CLIP2: variants seen among roughly 807,000 people sequenced by gnomAD.
CLIP2 encodes CAP-Gly domain-containing linker protein 2.
Under a neutral mutation model 111.7 loss-of-function variants are expected in CLIP2, and 41 were observed. The observed-to-expected ratio is 0.37, with a 90% CI of 0.29 to 0.48. The LOEUF is 0.48. Among genes scored for constraint, CLIP2 ranks in the 20% least tolerant of loss-of-function variants. The pLI is 0.99. For missense variants in CLIP2, 1,160 were observed against 1,422.1 expected, an observed-to-expected ratio of 0.82 and a Z score of 2.96; for synonymous variants, 660 against 644.2, an observed-to-expected ratio of 1.02 and a Z score of -0.37.
chr7:74,398,234 C>T (rs1791514504), intron 14 of CLIP2, among the ~76,000 whole-genome samples: 1 of 152,044 alleles, frequency 6.6e-6, no homozygotes, highest in African/African-American at 2.4e-5. Context: ...TGGAGTGTGC[C>T]TGTAATCCCA....
At chr7:74,400,754 T>C (rs782445987) in intron 15 of CLIP2, among the ~76,000 whole-genome samples, 199 bp downstream of exon 15, 3 of 150,908 alleles carry the variant, frequency 2.0e-5, no homozygotes, top group Non-Finnish European at 4.4e-5. Flanking sequence ...AGCTCTGTCC[T>C]GGGAACCCCA....
At chr7:74,371,643 G>C (rs1039149864) in intron 8 of CLIP2, among the ~76,000 whole-genome samples, 2 of 141,172 alleles carry the variant, frequency 1.4e-5, no homozygotes, top group Admixed American at 1.4e-4. Flanking sequence ...AATGGAGAGA[G>C]AGAGGGAGGG....
chr7:74,377,077 C>A (rs1790814049), intron 10 of CLIP2, among the ~76,000 whole-genome samples: 1 of 152,122 alleles, frequency 6.6e-6, no homozygotes, highest in South Asian at 2.1e-4. Context: ...CCGCACAGAG[C>A]AGACCTGGAG....
intron 2 of CLIP2, among the ~76,000 whole-genome samples, chr7:74,327,777 T>C (rs1789157879): frequency 1.3e-5 from 2 of 152,164 alleles, no homozygotes. Context: ...AGGATCGATC[T>C]GACGGGGCGG....
At chr7:74,353,412 G>A (rs1276889874) in intron 3 of CLIP2, among the ~76,000 whole-genome samples, 1 of 151,884 alleles carries the variant, frequency 6.6e-6, no homozygotes, top group Non-Finnish European at 1.5e-5. Context: ...CACCAGGCCC[G>A]GCTAATTTTT....
intron 2 of CLIP2, among the ~76,000 whole-genome samples, chr7:74,337,226 T>G (rs1789498672): frequency 6.6e-6 from 1 of 152,014 alleles, no homozygotes. Context: ...CCTGAGGCCT[T>G]AGGCTGGGCT....
At chr7:74,303,096 T>G (rs986668368) in intron 1 of CLIP2, among the ~76,000 whole-genome samples, 5 of 151,994 alleles carry the variant, frequency 3.3e-5, no homozygotes, top group Non-Finnish European at 7.4e-5. Flanking sequence ...TGAGGGATAG[T>G]GGGTATAAGG....
At chr7:74,348,053 G>A (rs1789856005) in intron 3 of CLIP2, among the ~76,000 whole-genome samples, 1 of 152,034 alleles carries the variant, frequency 6.6e-6, no homozygotes, top group East Asian at 1.9e-4. Context: ...GGTGGCAGGT[G>A]CCTGTAGTCT....
At chr7:74,325,101 A>G (rs1183975406) in intron 2 of CLIP2, among the ~76,000 whole-genome samples, 1 of 152,192 alleles carries the variant, frequency 6.6e-6, no homozygotes, top group Non-Finnish European at 1.5e-5. Flanking sequence ...CTGCCTCCCA[A>G]AACATGAGCT....
chr7:74,386,588 C>T lies in CLIP2; in HGVS notation c.2547C>T (p.Leu849=). ...CCTTGACCTCCCAGACCGAGATGCT[C>T]AGGGCCCAAGTAAGTGGTAAGTCTC... ...VTALTSQTEM[L]RAQVSALESK... is the part of the protein sequence containing the mutation. Residue 849 remains leucine, a synonymous_variant, in exon 12 of 17, where the codon CTC becomes CTT. Transcript: ENST00000223398. The T allele has an allele frequency of 6.2e-7, 1 of 1,609,554 alleles. No homozygotes were observed. Among genetic ancestry groups the T allele is most frequent in the Non-Finnish European group, 8.5e-7 (1 of 1,178,252 alleles).
intron 1 of CLIP2, among the ~76,000 whole-genome samples, chr7:74,300,278 C>T (rs1788295124): frequency 6.6e-6 from 1 of 151,472 alleles, no homozygotes; most frequent in African/African-American, 2.4e-5. Flanking sequence ...TGAGCCCCCA[C>T]ACCCAGCCTC....
chr7:74,331,516 GTTTC>G (rs534910912), intron 2 of CLIP2, among the ~76,000 whole-genome samples: 15 of 141,662 alleles, frequency 1.1e-4, no homozygotes, highest in Admixed American at 2.1e-4. Flanking sequence ...GGATCAATTT[GTTTC>G]TTTCTTTCTT....
chr7:74,392,118 G>A (rs986380732), intron 13 of CLIP2, among the ~76,000 whole-genome samples: 12 of 151,986 alleles, frequency 7.9e-5, no homozygotes, highest in Admixed American at 2.6e-4. Context: ...TTGGGAGGCC[G>A]AGGCAGGCAG....
chr7:74,400,336 C>G, intron 14 of CLIP2, 34 bp from the exon 15 acceptor site: 2 of 1,567,522 alleles, frequency 1.3e-6, no homozygotes, highest in East Asian at 2.3e-5. Context: ...CACACGCACA[C>G]TCATGTACTC....
rs925668734 is a variant in CLIP2, at chr7:74,397,510, A to G, written c.2880+277A>G. Among the ~76,000 whole-genome samples the G allele has an allele frequency of 3.3e-5, 5 of 152,064 alleles. No individual in the cohort carries two copies. The South Asian group carries it at 1.0e-3, about 32-fold the overall frequency. On this transcript the variant is annotated intron_variant, in intron 14 of 16. Transcript: ENST00000223398. Reference sequence around the variant, plus strand: ...CTGTCCAGAGGCAGGATGAGCCAATACAGGTAAAGAGCTCCCTGTTCAGAG... The same window carrying G: ...CTGTCCAGAGGCAGGATGAGCCAATGCAGGTAAAGAGCTCCCTGTTCAGAG...
intron 11 of CLIP2, chr7:74,381,742 C>G: frequency 2.5e-6 from 1 of 406,644 alleles, no homozygotes; most frequent in Non-Finnish European, 4.9e-6. Context: ...GTAGTACATT[C>G]TTTTACAGGG....
chr7:74,399,835 C>T lies in CLIP2; in HGVS notation c.2881-535C>T, dbSNP rs1208595340. ...GATTACAGGCGTGAGCCACCAGGCT[C>T]GGTCTCTGTCTCTTTTTTTAATTAT... On this transcript the variant is annotated intron_variant, in intron 14 of 16. Transcript: ENST00000223398. 3.3e-5 allele frequency among the ~76,000 whole-genome samples: 5 copies of T among 151,398 alleles called. No individual in the cohort carries two copies. In the South Asian group the frequency reaches 6.3e-4, roughly 19 times the overall value.
intron 8 of CLIP2, among the ~76,000 whole-genome samples, chr7:74,365,612 GGACA>G (rs1790456664): frequency 6.6e-6 from 1 of 152,040 alleles, no homozygotes; most frequent in Non-Finnish European, 1.5e-5. Flanking sequence ...GCAGGGGGCG[GGACA>G]GACAGTGACA....
At chr7:74,385,866 C>G (rs566974616) in intron 11 of CLIP2, among the ~76,000 whole-genome samples, 2 of 151,598 alleles carry the variant, frequency 1.3e-5, no homozygotes, top group Non-Finnish European at 2.9e-5. Context: ...CCTCAACCTC[C>G]CAAGTAGCTG....
Sources: allele counts gnomAD v4.1 joint callset (sites outside exome capture counted in the v4.1 genomes callset), GRCh38; gene constraint gnomAD v4.1.1; transcripts MANE v1.5; gene names NCBI Gene and HGNC (gene_info 2026-07-23, HGNC 2026-07-21).